Variants in LAMC3 observed in about 807,000 individuals in gnomAD.
LAMC3 encodes the protein laminin subunit gamma-3.
LAMC3 carries 128 observed loss-of-function variants against 173.8 expected under a neutral mutation model. The ratio of observed to expected loss-of-function variants is 0.74; its 90% CI spans 0.64 to 0.85. The LOEUF is 0.85. Ranked by LOEUF, LAMC3 falls within the 40% of genes least tolerant of loss-of-function variation. LAMC3 has a pLI of 0.00. For missense variants in LAMC3, 2,022 were observed against 2,156.0 expected (o/e 0.94, Z 1.23); for synonymous variants, 897 against 909.1 (o/e 0.99, Z 0.24).
intron 1 of LAMC3, among the ~76,000 whole-genome samples, chr9:131,015,754 C>A (rs1455231179): frequency 6.6e-6 from 1 of 152,208 alleles, no homozygotes; most frequent in Non-Finnish European, 1.5e-5. Flanking sequence ...CTCCCAGGTT[C>A]AAGCGATTCT....
In LAMC3 at chr9:131,091,515, G is replaced by A. The variant is rs769531542; in HGVS notation, c.4478-22G>A. 23 of 1,566,580 alleles carry A rather than the reference G, an allele frequency of 1.5e-5. No homozygotes were observed. The South Asian group carries it at 2.3e-4, about 16-fold the overall frequency. The stretch of plus-strand genomic sequence containing the variant: ...CTGCAGGGCTGCTGGCTCACAGTGA[G>A]GCTGTTTGTGCCCCACCACAGGGTC... On this transcript the variant is annotated intron_variant, in intron 27 of 27. Transcript: ENST00000361069.
chr9:131,056,076 G>C (rs752339131), intron 11 of LAMC3, among the ~76,000 whole-genome samples: 27 of 152,128 alleles, frequency 1.8e-4, no homozygotes, highest in Non-Finnish European at 2.6e-4. Context: ...CACACCTTTG[G>C]TCTCAGCTAC....
chr9:131,038,923 A>G lies in LAMC3; in HGVS notation c.1036A>G (p.Thr346Ala). 1 of 1,613,398 alleles carries G rather than the reference A, an allele frequency of 6.2e-7. No individual in the cohort carries two copies. Among genetic ancestry groups the G allele is most frequent in the Non-Finnish European group, 8.5e-7 (1 of 1,179,960 alleles). The stretch of plus-strand genomic sequence containing the variant: ...GTTTGATCGGGAGCTCTTCCGCAGC[A>G]CAGGCCACGGCGGGCGCTGTCACCA... The part of the protein sequence containing the change: ...CTFDRELFRS[T>A]GHGGRCHHCR... The change falls in exon 5 of 28, where the codon ACA becomes GCA. Residue 346 changes from threonine to alanine, a missense_variant. Physicochemically the swap from Thr to Ala is moderately conservative, Grantham distance 58 (BLOSUM62 0). Transcript: ENST00000361069.
intron 13 of LAMC3, among the ~76,000 whole-genome samples, chr9:131,062,939 T>C (rs866763113): frequency 1.8e-4 from 28 of 152,256 alleles, no homozygotes; most frequent in African/African-American, 6.5e-4. Context: ...ATAACAGCTG[T>C]TCTCCTCTCT....
chr9:131,087,876 C>G, intron 27 of LAMC3, 59 bp downstream of exon 27: 1 of 1,340,464 alleles, frequency 7.5e-7, no homozygotes, highest in South Asian at 1.2e-5. Context: ...CCTCTAGGAT[C>G]TTCCTGTGAG....
chr9:131,068,889 G>A lies in LAMC3; in HGVS notation c.2748-19G>A. ...TGGCCCTGAGCTTGCCTCAGACCCA[G>A]TTCCTTCCCTGATCACAGCTGCAAG... On this transcript the variant is annotated intron_variant, in intron 15 of 27. Transcript: ENST00000361069. 6.2e-7 allele frequency: 1 copy of A among 1,613,762 alleles called. No individual in the cohort carries two copies. The highest frequency in any genetic ancestry group is 8.5e-7 in the Non-Finnish European group (1 of 1,179,968).
chr9:131,041,884 C>A, intron 7 of LAMC3, 149 bp downstream of exon 7: 1 of 715,120 alleles, frequency 1.4e-6, no homozygotes, highest in South Asian at 1.5e-5. Context: ...TCCTGGGGCA[C>A]CATGTATCTG....
intron 7 of LAMC3, among the ~76,000 whole-genome samples, chr9:131,044,256 A>G (rs549815528): frequency 8.6e-5 from 13 of 151,200 alleles, no homozygotes; most frequent in Non-Finnish European, 1.2e-4. Flanking sequence ...TCATGCCTGT[A>G]ATCCCAGCAC....
Position 131,077,303 on chromosome 9 carries a change from A to T in LAMC3, c.3746A>T (p.Tyr1249Phe). ...CAAGTTGGCGCAGATACAGCCCCGT[A>T]CCTGGCCTTGCTGGCTTCCCCGGGA... is the stretch of plus-strand genomic sequence containing the variant. ...VQQVGADTAP[Y>F]LALLASPGAL... The change falls in exon 22 of 28, where the codon TAC becomes TTC. Residue 1249 changes from tyrosine to phenylalanine, a missense_variant. Physicochemically the swap from Tyr to Phe is conservative, Grantham distance 22. Transcript: ENST00000361069. The T allele has an allele frequency of 6.2e-7, 1 of 1,613,994 alleles. No individual in the cohort carries two copies. Among genetic ancestry groups the T allele is most frequent in the South Asian group, 1.1e-5 (1 of 91,084 alleles).
rs1329847197 is a variant in LAMC3, at chr9:131,029,081, C to T, written c.678+2492C>T. On this transcript the variant is annotated intron_variant, in intron 2 of 27. Coordinates refer to ENST00000361069, the MANE Select transcript of LAMC3 (RefSeq NM_006059.4). This position sits in a 1 kb window ranked among gnomAD's most constrained non-coding sequence, Gnocchi z 4.6. ...GATTCTGTGTGGCCCGAGGCCCCCA[C>T]CGCAAATCACATCATCCGCATAGAC... Among the ~76,000 whole-genome samples the T allele has an allele frequency of 6.6e-6, 1 of 152,222 alleles. No individual in the cohort carries two copies. The highest frequency in any genetic ancestry group is 2.4e-5 in the African/African-American group (1 of 41,466).
At chr9:131,063,807 C>T (rs1208609592) in intron 13 of LAMC3, among the ~76,000 whole-genome samples, 1 of 152,138 alleles carries the variant, frequency 6.6e-6, no homozygotes, top group Non-Finnish European at 1.5e-5. Flanking sequence ...TTTTAGAATC[C>T]ACAAGGCAGG....
chr9:131,072,896 C>A, intron 19 of LAMC3, 61 bp downstream of exon 19: 1 of 1,485,744 alleles, frequency 6.7e-7, no homozygotes, highest in Non-Finnish European at 9.2e-7. Context: ...CCTGCCCCAG[C>A]CCTCCCATTG....
intron 1 of LAMC3, among the ~76,000 whole-genome samples, chr9:131,018,437 CA>C (rs1833567324): frequency 6.6e-6 from 1 of 151,948 alleles, no homozygotes; most frequent in African/African-American, 2.4e-5. Flanking sequence ...GCCCGGCCCC[CA>C]AGATCTTTTA....
At chr9:131,010,047 A>G (rs910104251) in intron 1 of LAMC3, among the ~76,000 whole-genome samples, 4 of 149,544 alleles carry the variant, frequency 2.7e-5, no homozygotes, top group Non-Finnish European at 5.9e-5. Context: ...CCAGCTACTC[A>G]GGAGGCTGGG....
intron 6 of LAMC3, 57 bp downstream of exon 6, chr9:131,039,305 A>AG: frequency 7.0e-7 from 1 of 1,435,446 alleles, no homozygotes; most frequent in East Asian, 2.3e-5. Context: ...AAGAAGCAGG[A>AG]GGAACAGGCT....
intron 1 of LAMC3, among the ~76,000 whole-genome samples, chr9:131,023,748 A>T (rs1170201314): frequency 1.3e-5 from 2 of 152,094 alleles, no homozygotes; most frequent in Non-Finnish European, 2.9e-5. Context: ...GCTTGGAGGC[A>T]CGGGCCACCA....
intron 15 of LAMC3, 104 bp downstream of exon 15, chr9:131,068,335 GC>G: frequency 8.3e-7 from 1 of 1,207,828 alleles, no homozygotes; most frequent in Non-Finnish European, 1.2e-6. Flanking sequence ...GTTGTCCTAG[GC>G]CCACTGCCAG....
At chr9:131,016,564 G>A (rs1410228896) in intron 1 of LAMC3, among the ~76,000 whole-genome samples, 2 of 152,178 alleles carry the variant, frequency 1.3e-5, no homozygotes, top group African/African-American at 2.4e-5. Context: ...AACATTCATC[G>A]AGGCGTTCTT....
intron 14 of LAMC3, 24 bp downstream of exon 14, chr9:131,067,229 AG>A (rs745937183): frequency 2.2e-5 from 36 of 1,611,684 alleles, no homozygotes; most frequent in Non-Finnish European, 2.7e-5. Context: ...TCCAGACCCC[AG>A]GGTGGCACAT....
Sources: allele counts gnomAD v4.1 joint callset (sites outside exome capture counted in the v4.1 genomes callset), GRCh38; gene constraint gnomAD v4.1.1; non-coding constraint Gnocchi (gnomAD v3.1); transcripts MANE v1.5; gene names NCBI Gene and HGNC (gene_info 2026-07-23, HGNC 2026-07-21).